The following CDK8 variants were observed in gnomAD, a reference collection of about 807,000 sequenced individuals.
The protein encoded by CDK8 is cyclin dependent kinase 8.
Under a neutral mutation model 71.5 loss-of-function variants are expected in CDK8, and 29 were observed. The observed-to-expected ratio is 0.41, with a 90% CI of 0.30 to 0.55. The LOEUF (loss-of-function observed/expected upper bound fraction) is 0.55, where lower values mean the gene tolerates loss of function less well. CDK8 is among the 20% of genes least tolerant of loss of function. The probability of loss-of-function intolerance (pLI) is 0.37; values close to 1 mark genes in which losing one functional copy is unlikely to be tolerated. For missense variants in CDK8, 288 were observed against 572.6 expected (o/e 0.50, Z 5.07); for synonymous variants, 161 against 192.1 (o/e 0.84, Z 1.34).
intron 1 of CDK8, among the ~76,000 whole-genome samples, chr13:26,297,692 A>T (rs952648640): frequency 6.6e-6 from 1 of 152,142 alleles, no homozygotes; most frequent in African/African-American, 2.4e-5. Flanking sequence ...CAGGTTTCAG[A>T]TCATACAGGG....
chr13:26,380,490 A>G (rs1331087616), intron 4 of CDK8, among the ~76,000 whole-genome samples: 2 of 149,004 alleles, frequency 1.3e-5, no homozygotes, highest in African/African-American at 5.0e-5. Context: ...CTTTTTTTGT[A>G]TTTGTTTTTT....
rs544949899 is a variant in CDK8 at position 26,398,661 on chromosome 13, G to A, written c.933+1436G>A. ...TAAATTTTAATCTCACCATTCTAGC[G>A]TTTTATTTGCATCTTAAAATATGTC... On this transcript the variant is annotated intron_variant, in intron 9 of 12. Transcript: ENST00000381527. 2.2e-4 allele frequency among the ~76,000 whole-genome samples: 33 copies of A among 152,226 alleles called. No individual in the cohort carries two copies. The East Asian group carries it at 5.8e-3, about 27-fold the overall frequency.
At chr13:26,355,840 C>T (rs1357044148) in intron 4 of CDK8, among the ~76,000 whole-genome samples, 1 of 152,032 alleles carries the variant, frequency 6.6e-6, no homozygotes, top group Non-Finnish European at 1.5e-5. Context: ...GATAGCTCTA[C>T]ATTTTCTTTT....
chr13:26,400,611 TGC>T (rs1179926779), intron 10 of CDK8, 61 bp downstream of exon 10: 16 of 993,496 alleles, frequency 1.6e-5, no homozygotes, highest in Non-Finnish European at 2.6e-5. Flanking sequence ...TGCTTTCTTC[TGC>T]TTGTCAGCTC....
intron 1 of CDK8, among the ~76,000 whole-genome samples, chr13:26,293,714 A>G (rs533657181): frequency 6.6e-6 from 1 of 152,118 alleles, no homozygotes; most frequent in Admixed American, 6.6e-5. Flanking sequence ...TATTGTATAT[A>G]TTTATGGTAT....
At chr13:26,282,843 C>T (rs1872815437) in intron 1 of CDK8, among the ~76,000 whole-genome samples, 2 of 144,618 alleles carry the variant, frequency 1.4e-5, no homozygotes, top group Non-Finnish European at 1.5e-5. Context: ...TAAGGACTCA[C>T]ATAAACTTAA....
At chr13:26,291,505 A>G (rs1485026519) in intron 1 of CDK8, among the ~76,000 whole-genome samples, 1 of 152,176 alleles carries the variant, frequency 6.6e-6, no homozygotes, top group Non-Finnish European at 1.5e-5. Flanking sequence ...TTAAAAATCA[A>G]TATATGTTCA....
chr13:26,260,712 A>T (rs1323710995), intron 1 of CDK8, among the ~76,000 whole-genome samples: 1 of 152,202 alleles, frequency 6.6e-6, no homozygotes, highest in Non-Finnish European at 1.5e-5. Flanking sequence ...AATTATAATT[A>T]TTATAGGCCA....
At chr13:26,336,745 A>G (rs1314327788) in intron 1 of CDK8, among the ~76,000 whole-genome samples, 6 of 151,768 alleles carry the variant, frequency 4.0e-5, no homozygotes, top group African/African-American at 7.3e-5. Context: ...TAGTAGAGAC[A>G]GGGTTTCGCC....
intron 1 of CDK8, among the ~76,000 whole-genome samples, chr13:26,324,020 A>G (rs998931941): frequency 6.6e-6 from 1 of 152,188 alleles, no homozygotes; most frequent in African/African-American, 2.4e-5. Flanking sequence ...GGCCTGTGGA[A>G]TAGTAACCAT....
At chr13:26,269,861 ATTAT>A (rs551768786) in intron 1 of CDK8, among the ~76,000 whole-genome samples, 9 of 151,936 alleles carry the variant, frequency 5.9e-5, no homozygotes, top group African/African-American at 9.7e-5. Context: ...CTAGTTACTT[ATTAT>A]TTATTTATTT....
intron 1 of CDK8, among the ~76,000 whole-genome samples, chr13:26,327,743 C>G (rs1395181589): frequency 2.0e-5 from 3 of 152,018 alleles, no homozygotes; most frequent in African/African-American, 7.2e-5. Context: ...GCAGGAGAAT[C>G]GCTTGAACCC....
rs17083574 is a variant in CDK8, at chr13:26,269,203, T to G, written c.128+14434T>G. On this transcript the variant is annotated intron_variant, in intron 1 of 12. Coordinates refer to ENST00000381527, the MANE Select transcript of CDK8 (RefSeq NM_001260.3). ...GTATTTTGTTAATTCTGAAGAAACT[T>G]TTAAGTACTGCTAAACATAATTCTT... 6.7e-3 allele frequency among the ~76,000 whole-genome samples: 1,022 copies of G among 152,350 alleles called. 16 individuals carry two copies. Among genetic ancestry groups the G allele is most frequent in the African/African-American group, 0.023 (940 of 41,588 alleles).
chr13:26,353,790 G>T lies in CDK8; in HGVS notation c.366G>T (p.Gln122His). Residue 122 changes from glutamine to histidine, a missense_variant, in exon 4 of 13, where the codon CAG becomes CAT. Coordinates refer to ENST00000381527, the MANE Select transcript of CDK8 (RefSeq NM_001260.3). ...CTAAAGCAAACAAGAAGCCAGTTCA[G>T]TTACCTCGGGGAATGGTGAAGTCAC... Reference protein sequence around the residue: ...RASKANKKPVQLPRGMVKSLL... With the variant: ...RASKANKKPVHLPRGMVKSLL... 1 of 1,613,322 alleles carries T rather than the reference G, an allele frequency of 6.2e-7. No homozygotes were observed.
intron 1 of CDK8, among the ~76,000 whole-genome samples, chr13:26,270,516 C>T (rs574194638): frequency 8.5e-5 from 13 of 152,228 alleles, no homozygotes; most frequent in South Asian, 4.2e-4. Flanking sequence ...AAAGAAACCC[C>T]GTACCCATTA....
intron 1 of CDK8, among the ~76,000 whole-genome samples, chr13:26,263,113 A>C (rs1871845240): frequency 6.6e-6 from 1 of 151,992 alleles, no homozygotes; most frequent in African/African-American, 2.4e-5. Flanking sequence ...ATTTTTGAGG[A>C]AAGAAGGAGT....
At chr13:26,363,336 A>AAAAAAAAAAAAG (rs1874238506) in intron 4 of CDK8, among the ~76,000 whole-genome samples, 1 of 149,094 alleles carries the variant, frequency 6.7e-6, no homozygotes, top group African/African-American at 2.5e-5. Flanking sequence ...TCAAAAAAAA[A>AAAAAAAAAAAAG]AAAAAGAAAT....
intron 4 of CDK8, among the ~76,000 whole-genome samples, chr13:26,357,826 C>T (rs1873958785): frequency 6.6e-6 from 1 of 152,178 alleles, no homozygotes; most frequent in Non-Finnish European, 1.5e-5. Context: ...CAGTCTTGTT[C>T]TATGAAGGCA....
intron 1 of CDK8, chr13:26,324,952 G>C (rs886709590): frequency 5.9e-6 from 1 of 170,014 alleles, no homozygotes; most frequent in African/African-American, 2.4e-5. Flanking sequence ...AAGCTCTGCT[G>C]TTTCTCCAAA....
Sources: gnomAD v4.1 joint callset for allele counts (sites outside exome capture counted in the v4.1 genomes callset) on GRCh38, gnomAD v4.1.1 for gene constraint, MANE v1.5 for transcripts, NCBI Gene and HGNC (gene_info 2026-07-23, HGNC 2026-07-21) for gene names.